ADGRB3: variants seen among roughly 807,000 people sequenced by gnomAD.
The protein encoded by ADGRB3 is adhesion G protein-coupled receptor B3.
ADGRB3 carries 37 observed loss-of-function variants against 193.4 expected under a neutral mutation model. The observed-to-expected ratio is 0.19, with a 90% CI of 0.15 to 0.25. The LOEUF (loss-of-function observed/expected upper bound fraction) is 0.25. Ranked by LOEUF, ADGRB3 falls within the 10% of genes least tolerant of loss-of-function variation. The pLI, the probability that ADGRB3 is intolerant of heterozygous loss-of-function variation, is 1.00. For synonymous variants in ADGRB3, 690 were observed against 644.2 expected (o/e 1.07, Z -1.08); for missense variants, 1,637 against 1,852.9 (o/e 0.88, Z 2.14).
intron 11 of ADGRB3, among the ~76,000 whole-genome samples, chr6:69,006,417 C>T (rs1769753818): frequency 6.6e-6 from 1 of 152,064 alleles, no homozygotes; most frequent in African/African-American, 2.4e-5. Flanking sequence ...CCAACCTATA[C>T]ACTGTATTTT....
At chr6:68,643,097 G>A (rs182134803) in intron 3 of ADGRB3, among the ~76,000 whole-genome samples, 3 of 152,218 alleles carry the variant, frequency 2.0e-5, no homozygotes, top group Admixed American at 2.0e-4. Context: ...TGGAATCTTT[G>A]TTTCTTACTG....
At chr6:68,698,476 A>G (rs1488806605) in intron 3 of ADGRB3, among the ~76,000 whole-genome samples, 2 of 152,014 alleles carry the variant, frequency 1.3e-5, no homozygotes, top group African/African-American at 4.8e-5. Context: ...AGGTTCGTGT[A>G]TTAATTGCTT....
chr6:69,120,999 C>CTTTTTTTTTTTT (rs36095516), intron 17 of ADGRB3, among the ~76,000 whole-genome samples: 1 of 123,558 alleles, frequency 8.1e-6, no homozygotes, highest in Non-Finnish European at 1.7e-5. Flanking sequence ...ATGCAGTTAT[C>CTTTTTTTTTTTT]TTTTTTTTTT....
intron 13 of ADGRB3, among the ~76,000 whole-genome samples, chr6:69,040,025 C>T (rs773838378): frequency 5.3e-5 from 8 of 152,056 alleles, no homozygotes; most frequent in Non-Finnish European, 1.2e-4. Flanking sequence ...CAGGTGTGAG[C>T]CACCATGCCC....
intron 3 of ADGRB3, among the ~76,000 whole-genome samples, chr6:68,868,801 G>A (rs1765376402): frequency 1.3e-5 from 2 of 152,118 alleles, no homozygotes; most frequent in African/African-American, 4.8e-5. Context: ...TGCCAGATGT[G>A]TGATGACAAG....
chr6:69,286,074 T>A (rs974176091), intron 20 of ADGRB3, among the ~76,000 whole-genome samples: 5 of 152,144 alleles, frequency 3.3e-5, no homozygotes, highest in African/African-American at 1.2e-4. Flanking sequence ...GTTCCACTTC[T>A]GCTTCTACAA....
At chr6:68,658,353 C>T (rs537709308) in intron 3 of ADGRB3, among the ~76,000 whole-genome samples, 33 of 151,352 alleles carry the variant, frequency 2.2e-4, no homozygotes, top group Non-Finnish European at 3.7e-4. Context: ...AACTATAGGA[C>T]GTTTCAAATA....
At chr6:69,047,162 G>T (rs1562136448) in intron 13 of ADGRB3, among the ~76,000 whole-genome samples, 1 of 152,112 alleles carries the variant, frequency 6.6e-6, no homozygotes, top group African/African-American at 2.4e-5. Flanking sequence ...CCCAGCCAAT[G>T]AATTTTTACT....
intron 3 of ADGRB3, among the ~76,000 whole-genome samples, chr6:68,689,342 G>A (rs1765033837): frequency 6.6e-6 from 1 of 152,110 alleles, no homozygotes; most frequent in African/African-American, 2.4e-5. Context: ...GGAGCCTCCT[G>A]ACTCTGGTTG....
intron 11 of ADGRB3, among the ~76,000 whole-genome samples, chr6:69,009,079 T>C (rs1769857071): frequency 6.6e-6 from 1 of 152,098 alleles, no homozygotes; most frequent in Non-Finnish European, 1.5e-5. Context: ...AGTGGGCATG[T>C]AATTCATCAG....
chr6:68,640,437 T>C (rs1361444619), intron 3 of ADGRB3, among the ~76,000 whole-genome samples: 2 of 152,264 alleles, frequency 1.3e-5, no homozygotes, highest in African/African-American at 4.8e-5. Flanking sequence ...AAATGACTTT[T>C]GTTGTTTGGA....
rs575201246 is a variant in ADGRB3 at position 68,946,700 on chromosome 6, C to T, written c.1195+2706C>T. 5.3e-5 allele frequency among the ~76,000 whole-genome samples: 8 copies of T among 152,250 alleles called. No homozygotes were observed. In the South Asian group the frequency reaches 1.0e-3, roughly 20 times the overall value. ...CACAAACTGTGTCTCCCACTACTCA[C>T]TACTTTTGCAGGATTTGACGGGGTG... is the stretch of plus-strand genomic sequence containing the variant. On this transcript the variant is annotated intron_variant, in intron 6 of 31. Transcript: ENST00000370598.
intron 17 of ADGRB3, among the ~76,000 whole-genome samples, chr6:69,080,791 T>C (rs1772364988): frequency 6.6e-6 from 1 of 152,090 alleles, no homozygotes; most frequent in Non-Finnish European, 1.5e-5. Flanking sequence ...CAAGAAGTTA[T>C]GTTACCTTTG....
chr6:69,300,320 C>T (rs180763270), intron 20 of ADGRB3, among the ~76,000 whole-genome samples: 4 of 151,720 alleles, frequency 2.6e-5, no homozygotes, highest in Admixed American at 1.3e-4. Context: ...CATAGTCCAA[C>T]ACAATAAAGG....
intron 3 of ADGRB3, among the ~76,000 whole-genome samples, chr6:68,761,646 A>T (rs915420497): frequency 6.6e-6 from 1 of 151,428 alleles, no homozygotes; most frequent in Non-Finnish European, 1.5e-5. Flanking sequence ...AGGTGATGTT[A>T]CATAAACCTG....
chr6:69,032,200 A>G (rs1009603497), intron 13 of ADGRB3, among the ~76,000 whole-genome samples: 3 of 152,200 alleles, frequency 2.0e-5, no homozygotes, highest in African/African-American at 7.2e-5. Flanking sequence ...GGTCTTCCCC[A>G]GTTGACTTCA....
intron 3 of ADGRB3, among the ~76,000 whole-genome samples, chr6:68,842,752 T>G (rs1768184063): frequency 6.6e-6 from 1 of 151,848 alleles, no homozygotes. Flanking sequence ...CTGATCAACA[T>G]TAATGTCAAA....
chr6:68,988,742 C>T (rs1769149626), intron 10 of ADGRB3, among the ~76,000 whole-genome samples: 2 of 152,168 alleles, frequency 1.3e-5, no homozygotes, highest in South Asian at 4.2e-4. Flanking sequence ...GCTAACGACA[C>T]CTCTCACACA....
intron 3 of ADGRB3, among the ~76,000 whole-genome samples, chr6:68,822,165 C>A (rs639610): frequency 0.092 from 13,890 of 151,776 alleles, 710 homozygotes; most frequent in African/African-American, 0.12. Flanking sequence ...AAGCGGATGA[C>A]ATTCGGAAAA....
Sources: gnomAD v4.1 joint callset for allele counts (sites outside exome capture counted in the v4.1 genomes callset) on GRCh38, gnomAD v4.1.1 for gene constraint, MANE v1.5 for transcripts, NCBI Gene and HGNC (gene_info 2026-07-23, HGNC 2026-07-21) for gene names.